Variants in ANO3 observed in about 807,000 individuals in gnomAD.
ANO3 encodes anoctamin-3.
A neutral mutation model predicts 144.8 loss-of-function variants in ANO3; 99 were observed. The observed-to-expected ratio is 0.68, with a 90% CI of 0.58 to 0.81. ANO3 has a LOEUF of 0.81. Among genes scored for constraint, ANO3 ranks in the 30% least tolerant of loss-of-function variants. The pLI, the probability that ANO3 is intolerant of heterozygous loss-of-function variation, is 0.00. For missense variants in ANO3, 905 were observed against 1,202.2 expected (o/e 0.75, Z 3.66); for synonymous variants, 414 against 392.6 (o/e 1.05, Z -0.64).
chr11:26,635,034 A>G lies in ANO3; in HGVS notation c.2007A>G (p.Lys669=), dbSNP rs1374209596. 65 of 1,613,546 alleles carry G rather than the reference A, an allele frequency of 4.0e-5. No homozygotes were observed. The Admixed American group carries it at 1.0e-3, about 25-fold the overall frequency. The change falls in exon 20 of 27, where the codon AAA becomes AAG. Residue 669 remains lysine (K), a synonymous_variant. Transcript: ENST00000256737. ...FLGRFVGHPG[K]YNKLFDRWRL... is the part of the protein sequence containing the mutation. ...ACAGATTCGTAGGCCACCCAGGAAA[A>G]TACAATAAACTTTTTGACCGGTGGA...
At chr11:26,199,011 T>C (rs1851641215) in intron 1 of ANO3, among the ~76,000 whole-genome samples, 1 of 152,252 alleles carries the variant, frequency 6.6e-6, no homozygotes, top group Non-Finnish European at 1.5e-5. Context: ...TTAAGTCAAA[T>C]GTGGATAGAA....
intron 10 of ANO3, among the ~76,000 whole-genome samples, chr11:26,541,284 G>A (rs949769770): frequency 9.2e-5 from 14 of 152,066 alleles, no homozygotes; most frequent in African/African-American, 3.4e-4. Flanking sequence ...ATCACACAAT[G>A]GGGCCAGTTC....
At chr11:26,188,845 T>A (rs1851424705) in exon 1 of ANO3, among the ~76,000 whole-genome samples, 1 of 152,130 alleles carries the variant, frequency 6.6e-6, no homozygotes, top group Admixed American at 6.6e-5. Flanking sequence ...CTTGCCTATG[T>A]CTTCACTTAG....
At chr11:26,579,990 G>T (rs760090012) in intron 14 of ANO3, among the ~76,000 whole-genome samples, 1 of 151,542 alleles carries the variant, frequency 6.6e-6, no homozygotes, top group East Asian at 2.0e-4. Context: ...CATGAGAAGA[G>T]ATATACAATT....
Position 26,395,719 on chromosome 11 carries a change from T to A in ANO3, c.47-46199T>A, listed in dbSNP as rs549330888. 7.6e-5 allele frequency among the ~76,000 whole-genome samples: 11 copies of A among 144,670 alleles called. No homozygotes were observed. The South Asian group carries it at 2.3e-3, about 30-fold the overall frequency. 94.9% of individuals were successfully genotyped at this position (144,670 alleles called of 152,430 possible). On this transcript the variant is annotated intron_variant, in intron 1 of 26. Transcript: ENST00000256737. Reference sequence around the variant, plus strand: ...AAAGGATACCCTATTTAATAAATGGTGTTGGGAAAACTGGCTAGCCATATA... The same window carrying A: ...AAAGGATACCCTATTTAATAAATGGAGTTGGGAAAACTGGCTAGCCATATA...
chr11:26,577,888 A>G (rs1174700721), intron 14 of ANO3, among the ~76,000 whole-genome samples: 1 of 152,214 alleles, frequency 6.6e-6, no homozygotes, highest in African/African-American at 2.4e-5. Context: ...AGGAAAGGAT[A>G]GTAAAAATAT....
At chr11:26,582,098 A>G (rs934661133) in intron 14 of ANO3, among the ~76,000 whole-genome samples, 7 of 152,234 alleles carry the variant, frequency 4.6e-5, no homozygotes, top group Admixed American at 2.0e-4. Flanking sequence ...CCAAGGTCAG[A>G]TGATTAGAAA....
chr11:26,549,551 C>T (rs383087), intron 12 of ANO3, among the ~76,000 whole-genome samples: 151,731 of 152,034 alleles, frequency 1, 75,715 homozygotes, highest in Middle Eastern at 1. Context: ...CTCTATTGAT[C>T]ATGTTTCTAC....
At chr11:26,440,945 C>G (rs1227986462) in intron 1 of ANO3, among the ~76,000 whole-genome samples, 2 of 151,828 alleles carry the variant, frequency 1.3e-5, no homozygotes, top group Admixed American at 6.6e-5. Flanking sequence ...GGAAGTGGAG[C>G]CATTCTTTCC....
At chr11:26,527,271 T>A (rs1849186810) in intron 7 of ANO3, among the ~76,000 whole-genome samples, 1 of 152,164 alleles carries the variant, frequency 6.6e-6, no homozygotes, top group Non-Finnish European at 1.5e-5. Context: ...AACACTATTA[T>A]ATGTCATTAC....
intron 14 of ANO3, among the ~76,000 whole-genome samples, chr11:26,568,758 C>T (rs1460251549): frequency 6.6e-6 from 1 of 151,920 alleles, no homozygotes; most frequent in Non-Finnish European, 1.5e-5. Context: ...GATGCCTCAC[C>T]TAGTGTGTTT....
At chr11:26,441,712 G>C (rs1858528179) in intron 1 of ANO3, among the ~76,000 whole-genome samples, 1 of 152,102 alleles carries the variant, frequency 6.6e-6, no homozygotes, top group Non-Finnish European at 1.5e-5. Flanking sequence ...AGGAAACAGA[G>C]ATGTTTATGT....
intron 1 of ANO3, among the ~76,000 whole-genome samples, chr11:26,352,442 T>G (rs1434080891): frequency 6.6e-6 from 1 of 152,192 alleles, no homozygotes; most frequent in African/African-American, 2.4e-5. Context: ...TGTAACTCTT[T>G]CCTAGCTTCC....
intron 4 of ANO3, among the ~76,000 whole-genome samples, chr11:26,506,260 C>T (rs117641056): frequency 0.022 from 3,357 of 152,108 alleles, 64 homozygotes; most frequent in Non-Finnish European, 0.035. Flanking sequence ...TATATGGCTC[C>T]TTATCTTTTT....
At chr11:26,217,879 A>G (rs1852066125) in intron 1 of ANO3, among the ~76,000 whole-genome samples, 1 of 151,988 alleles carries the variant, frequency 6.6e-6, no homozygotes, top group Admixed American at 6.6e-5. Context: ...GAATTATTAG[A>G]GTTGGTGAAG....
In ANO3 at chr11:26,534,496, A is replaced by C. The variant is rs749809218; in HGVS notation, c.910A>C (p.Thr304Pro). 1.9e-6 allele frequency: 3 copies of C among 1,613,276 alleles called. No homozygotes were observed. The highest frequency in any genetic ancestry group is 2.5e-6 in the Non-Finnish European group (3 of 1,179,484). The change falls in exon 9 of 27, where the codon ACT becomes CCT. Residue 304 changes from threonine (T) to proline (P), a missense_variant. By Grantham distance (38) the Thr-to-Pro change is conservative. Transcript: ENST00000256737. ...TAAAGACACCTTCTTCAGCAATGCT[A>C]CTCGAAGCAGAATAGTCTATCACAT... ...NNKDTFFSNA[T>P]RSRIVYHMLE...
intron 1 of ANO3, among the ~76,000 whole-genome samples, chr11:26,438,778 CAA>C (rs59906437): frequency 0.04 from 4,325 of 108,800 alleles, 76 homozygotes; most frequent in African/African-American, 0.048. Context: ...AACTCTGTCT[CAA>C]AAAAAAAAAA....
intron 1 of ANO3, among the ~76,000 whole-genome samples, chr11:26,199,945 G>A (rs376724488): frequency 1.8e-4 from 28 of 152,178 alleles, no homozygotes; most frequent in African/African-American, 5.8e-4. Context: ...CATACAGTAT[G>A]TTATAGATTT....
chr11:26,435,500 AAT>A (rs1858262790), intron 1 of ANO3, among the ~76,000 whole-genome samples: 1 of 152,152 alleles, frequency 6.6e-6, no homozygotes, highest in Non-Finnish European at 1.5e-5. Context: ...AATACCCTGA[AAT>A]ATGTTTTCCT....
Sources: gnomAD v4.1 joint callset for allele counts (sites outside exome capture counted in the v4.1 genomes callset) on GRCh38, gnomAD v4.1.1 for gene constraint, MANE v1.5 for transcripts, NCBI Gene and HGNC (gene_info 2026-07-23, HGNC 2026-07-21) for gene names.